The following LRRC37A2 variants were observed in gnomAD, a reference collection of about 807,000 sequenced individuals.
LRRC37A2 encodes the protein leucine-rich repeat-containing protein 37A2.
LRRC37A2 carries 9 observed loss-of-function variants against 68.8 expected under a neutral mutation model. The ratio of observed to expected loss-of-function variants is 0.13; its 90% confidence interval spans 0.08 to 0.23. The LOEUF is 0.23. Ranked by LOEUF, LRRC37A2 falls within the 10% of genes least tolerant of loss-of-function variation. LRRC37A2 has a pLI of 1.00. For synonymous variants in LRRC37A2, 63 were observed against 367.6 expected (o/e 0.17, Z 9.48); for missense variants, 168 against 950.4 (o/e 0.18, Z 10.82).
the LRRC37A2 span, among the ~76,000 whole-genome samples, chr17:46,779,163 G>C: frequency 6.6e-6 from 1 of 150,960 alleles, no homozygotes; most frequent in African/African-American, 2.4e-5. Context: ...TGATTCTGGA[G>C]GAAAGGAATG....
chr17:47,014,667 C>T, the LRRC37A2 span, among the ~76,000 whole-genome samples: 1 of 151,758 alleles, frequency 6.6e-6, no homozygotes, highest in African/African-American at 2.4e-5. Context: ...GTTAGTCTCC[C>T]CCCGCTCCAG....
the LRRC37A2 span, among the ~76,000 whole-genome samples, chr17:46,568,761 T>C: frequency 1.1e-5 from 1 of 86,966 alleles, no homozygotes; most frequent in Admixed American, 1.4e-4. Flanking sequence ...GCCAAGATTG[T>C]GCCACTGCAC....
At chr17:46,767,864 T>C in the LRRC37A2 span, among the ~76,000 whole-genome samples, 6 of 152,162 alleles carry the variant, frequency 3.9e-5, no homozygotes, top group South Asian at 2.1e-4. Flanking sequence ...TCTCAGTTCA[T>C]TGCAACCTCT....
chr17:46,988,319 C>CT, the LRRC37A2 span, among the ~76,000 whole-genome samples: 2 of 152,138 alleles, frequency 1.3e-5, no homozygotes, highest in Admixed American at 1.3e-4. Context: ...GTTGCTGGGG[C>CT]TGGGGAGAGA....
At chr17:46,983,289 CTTTTTTTTTTTT>C in the LRRC37A2 span, among the ~76,000 whole-genome samples, 1 of 76,848 alleles carries the variant, frequency 1.3e-5, no homozygotes, top group Non-Finnish European at 2.4e-5. Context: ...GCCCTTTCTT[CTTTTTTTTTTTT>C]TTTTTTTTTT....
At chr17:46,874,460 G>C in the LRRC37A2 span, among the ~76,000 whole-genome samples, 1 of 152,204 alleles carries the variant, frequency 6.6e-6, no homozygotes, top group African/African-American at 2.4e-5. Context: ...GCTTCTCTTT[G>C]CATCTCAGTG....
chr17:47,049,045 C>T, the LRRC37A2 span: 1 of 587,780 alleles, frequency 1.7e-6, no homozygotes, highest in Admixed American at 3.0e-5. Flanking sequence ...TTTGTTGTTG[C>T]CATTTCATAG....
At chr17:46,803,373 A>G in the LRRC37A2 span, among the ~76,000 whole-genome samples, 2 of 152,182 alleles carry the variant, frequency 1.3e-5, no homozygotes, top group African/African-American at 4.8e-5. Flanking sequence ...GTCTCTACTA[A>G]AAATACAAAA....
chr17:46,761,667 G>GATT, the LRRC37A2 span, among the ~76,000 whole-genome samples: 3 of 152,166 alleles, frequency 2.0e-5, no homozygotes, highest in African/African-American at 7.2e-5. Context: ...AGTGAGGTAA[G>GATT]ATTTGTTCCT....
At chr17:46,974,297 C>A in the LRRC37A2 span, among the ~76,000 whole-genome samples, 3 of 152,230 alleles carry the variant, frequency 2.0e-5, no homozygotes. Flanking sequence ...GGCACAGTGC[C>A]TAGCCCACAG....
chr17:46,959,205 G>A, the LRRC37A2 span, among the ~76,000 whole-genome samples: 4 of 152,194 alleles, frequency 2.6e-5, no homozygotes, highest in Non-Finnish European at 5.9e-5. Flanking sequence ...CCTACCACCA[G>A]ACAGATGGAC....
At chr17:46,950,039 C>T in the LRRC37A2 span, among the ~76,000 whole-genome samples, 12 of 152,358 alleles carry the variant, frequency 7.9e-5, no homozygotes, top group Admixed American at 7.8e-4. Flanking sequence ...AAGAGGAAAC[C>T]AAATCCCAAA....
At chr17:46,837,116 T>C in the LRRC37A2 span, among the ~76,000 whole-genome samples, 1 of 152,116 alleles carries the variant, frequency 6.6e-6, no homozygotes, top group African/African-American at 2.4e-5. Context: ...CTAATTTTTG[T>C]ATTTTTAGTA....
the LRRC37A2 span, among the ~76,000 whole-genome samples, chr17:46,913,312 A>C: frequency 0.014 from 2,207 of 152,358 alleles, 53 homozygotes; most frequent in African/African-American, 0.051. Flanking sequence ...ACTGAGCTGG[A>C]TACCAGGAAA....
the LRRC37A2 span, among the ~76,000 whole-genome samples, chr17:46,816,135 A>ACGCACACACACACT: frequency 7.4e-5 from 4 of 53,808 alleles, no homozygotes; most frequent in East Asian, 5.3e-3. Flanking sequence ...ACACACTCAC[A>ACGCACACACACACT]CACACGCACG....
chr17:46,714,827 C>T, the LRRC37A2 span, among the ~76,000 whole-genome samples: 3 of 151,858 alleles, frequency 2.0e-5, no homozygotes, highest in East Asian at 1.9e-4. Flanking sequence ...ATGAACTGAC[C>T]GTAAGTCCAA....
At chr17:46,934,548 GCCT>G in the LRRC37A2 span, among the ~76,000 whole-genome samples, 1 of 152,094 alleles carries the variant, frequency 6.6e-6, no homozygotes, top group African/African-American at 2.4e-5. Flanking sequence ...CAGAAGCACA[GCCT>G]CCTCTATCCT....
At chr17:46,780,059 A>G in the LRRC37A2 span, among the ~76,000 whole-genome samples, 1 of 152,208 alleles carries the variant, frequency 6.6e-6, no homozygotes, top group Non-Finnish European at 1.5e-5. Context: ...GCCTGGCCAT[A>G]GAGAACATTT....
the LRRC37A2 span, among the ~76,000 whole-genome samples, chr17:46,679,932 C>A: frequency 6.9e-6 from 1 of 145,244 alleles, no homozygotes. Context: ...TGTAAAGTGC[C>A]TAGGATTCGA....
Sources: allele counts gnomAD v4.1 joint callset (sites outside exome capture counted in the v4.1 genomes callset), GRCh38; gene constraint gnomAD v4.1.1; transcripts MANE v1.5; gene names NCBI Gene and HGNC (gene_info 2026-07-23, HGNC 2026-07-21).